Variants in OLFM3 observed in about 807,000 individuals in gnomAD.
OLFM3 encodes the protein olfactomedin 3.
A neutral mutation model predicts 48.6 loss-of-function variants in OLFM3; 20 were observed. That is an observed-to-expected ratio of 0.41 (90% CI 0.29 to 0.60). OLFM3 has a LOEUF of 0.60. OLFM3 is among the 20% of genes least tolerant of loss of function. The pLI is 0.28. For synonymous variants in OLFM3, 222 were observed against 198.1 expected (o/e 1.12, Z -1.01); for missense variants, 437 against 544.3 (o/e 0.80, Z 1.96).
At chr1:101,842,144 G>A (rs931394447) in intron 1 of OLFM3, among the ~76,000 whole-genome samples, 30 of 152,204 alleles carry the variant, frequency 2.0e-4, no homozygotes, top group African/African-American at 6.0e-4. Flanking sequence ...AATAAGAAAC[G>A]CGTATTCTTC....
intron 1 of OLFM3, among the ~76,000 whole-genome samples, chr1:101,907,629 A>C (rs1237367071): frequency 6.6e-6 from 1 of 152,244 alleles, no homozygotes; most frequent in Non-Finnish European, 1.5e-5. Flanking sequence ...TTCATTTTAA[A>C]GTTTTCAACA....
chr1:101,964,237 A>T (rs1452113406), intron 1 of OLFM3, among the ~76,000 whole-genome samples: 1 of 152,152 alleles, frequency 6.6e-6, no homozygotes, highest in Non-Finnish European at 1.5e-5. Context: ...GTACTAAAAC[A>T]TGGGGGTGGG....
chr1:101,831,113 G>T (rs1203286976), intron 2 of OLFM3, among the ~76,000 whole-genome samples: 1 of 152,160 alleles, frequency 6.6e-6, no homozygotes, highest in Admixed American at 6.5e-5. Context: ...TTTAAAAATA[G>T]AATTTTCATT....
intron 1 of OLFM3, among the ~76,000 whole-genome samples, chr1:101,902,996 A>G (rs1658437584): frequency 6.6e-6 from 1 of 152,104 alleles, no homozygotes; most frequent in Non-Finnish European, 1.5e-5. Flanking sequence ...GGATTTTTCC[A>G]GCAGCAGTGG....
intron 1 of OLFM3, among the ~76,000 whole-genome samples, chr1:101,966,701 C>A (rs965544683): frequency 1.3e-5 from 2 of 152,132 alleles, no homozygotes; most frequent in Non-Finnish European, 2.9e-5. Context: ...CCCTAACATT[C>A]TATTTGACAC....
chr1:101,829,887 T>C (rs1570532784), intron 3 of OLFM3, among the ~76,000 whole-genome samples: 1 of 151,876 alleles, frequency 6.6e-6, no homozygotes, highest in African/African-American at 2.4e-5. Flanking sequence ...CAGGCTGGAG[T>C]GCAGTGGCGC....
intron 1 of OLFM3, among the ~76,000 whole-genome samples, chr1:101,884,168 G>T (rs1657650985): frequency 6.6e-6 from 1 of 151,700 alleles, no homozygotes; most frequent in Non-Finnish European, 1.5e-5. Flanking sequence ...CTATTTTCCT[G>T]CTCCCCTTGG....
At chr1:101,964,610 A>G (rs912267313) in intron 1 of OLFM3, among the ~76,000 whole-genome samples, 5 of 151,184 alleles carry the variant, frequency 3.3e-5, no homozygotes, top group Admixed American at 6.6e-5. Context: ...ATTTTTAGGG[A>G]AAAAAAAGAA....
At chr1:101,902,690 A>G (rs1182351078) in intron 1 of OLFM3, among the ~76,000 whole-genome samples, 1 of 152,130 alleles carries the variant, frequency 6.6e-6, no homozygotes, top group Non-Finnish European at 1.5e-5. Flanking sequence ...GCAGTAATCA[A>G]TTTAAAAATA....
At chr1:101,903,219 C>A (rs1658447201) in intron 1 of OLFM3, among the ~76,000 whole-genome samples, 1 of 151,778 alleles carries the variant, frequency 6.6e-6, no homozygotes, top group Admixed American at 6.6e-5. Context: ...GAAGGGAAGC[C>A]CAAAGAGAGT....
At chr1:101,835,332 T>C (rs1484796760) in intron 2 of OLFM3, among the ~76,000 whole-genome samples, 2 of 152,228 alleles carry the variant, frequency 1.3e-5, no homozygotes, top group African/African-American at 4.8e-5. Flanking sequence ...AACTCAAGAA[T>C]AATCATAATT....
chr1:101,899,823 T>C (rs1460448233), intron 1 of OLFM3, among the ~76,000 whole-genome samples: 1 of 152,128 alleles, frequency 6.6e-6, no homozygotes, highest in African/African-American at 2.4e-5. Flanking sequence ...ACTGGAAAAT[T>C]TATATTTTTT....
chr1:101,933,021 A>T (rs1659498831), intron 1 of OLFM3, among the ~76,000 whole-genome samples: 1 of 151,792 alleles, frequency 6.6e-6, no homozygotes, highest in Non-Finnish European at 1.5e-5. Context: ...GGCTAACACG[A>T]TGAAACCCAT....
chr1:101,958,331 G>C (rs1030649204), intron 1 of OLFM3, among the ~76,000 whole-genome samples: 1 of 151,968 alleles, frequency 6.6e-6, no homozygotes, highest in African/African-American at 2.4e-5. Flanking sequence ...TTTCAACTAA[G>C]TCATTTCAGT....
intron 1 of OLFM3, among the ~76,000 whole-genome samples, chr1:101,892,652 C>T (rs1173178876): frequency 6.6e-6 from 1 of 151,994 alleles, no homozygotes; most frequent in Non-Finnish European, 1.5e-5. Context: ...AAAGAAACTA[C>T]ATGATTTTCC....
intron 1 of OLFM3, among the ~76,000 whole-genome samples, chr1:101,930,726 T>C (rs1659420185): frequency 6.6e-6 from 1 of 152,188 alleles, no homozygotes; most frequent in South Asian, 2.1e-4. Context: ...CCAGAATCTC[T>C]TGTAGAGGAG....
intron 1 of OLFM3, among the ~76,000 whole-genome samples, chr1:101,895,361 G>A (rs1253460068): frequency 6.6e-6 from 1 of 150,680 alleles, no homozygotes; most frequent in East Asian, 1.9e-4. Flanking sequence ...TCTTAAGCTA[G>A]GATTTTGACC....
chr1:101,891,343 A>G (rs1238322906), intron 1 of OLFM3, among the ~76,000 whole-genome samples: 1 of 152,002 alleles, frequency 6.6e-6, no homozygotes, highest in Admixed American at 6.6e-5. Flanking sequence ...TAGTTTTGAA[A>G]GAAATAATAG....
intron 4 of OLFM3, among the ~76,000 whole-genome samples, chr1:101,820,583 G>A (rs1397681259): frequency 6.6e-6 from 1 of 152,110 alleles, no homozygotes; most frequent in Non-Finnish European, 1.5e-5. Flanking sequence ...GTCCATCGCT[G>A]TTGAGAGATT....
Sources: allele counts gnomAD v4.1 joint callset (sites outside exome capture counted in the v4.1 genomes callset), GRCh38; gene constraint gnomAD v4.1.1; transcripts MANE v1.5; gene names NCBI Gene and HGNC (gene_info 2026-07-23, HGNC 2026-07-21).